Variants in ZNF438 observed in about 807,000 individuals in gnomAD.
ZNF438 encodes zinc finger protein 438.
Under a neutral mutation model 38.0 loss-of-function variants are expected in ZNF438, and 25 were observed. That is an observed-to-expected ratio of 0.66 (90% CI 0.48 to 0.92). The LOEUF (loss-of-function observed/expected upper bound fraction) is 0.92. Among genes scored for constraint, ZNF438 ranks in the 40% least tolerant of loss-of-function variants. The probability of loss-of-function intolerance (pLI) is 0.00; values close to 1 mark genes in which losing one functional copy is unlikely to be tolerated. For missense variants in ZNF438, 1,007 were observed against 999.6 expected, an observed-to-expected ratio of 1.01 and a Z score of -0.10; for synonymous variants, 372 against 364.1, an observed-to-expected ratio of 1.02 and a Z score of -0.25.
chr10:30,947,621 A>T (rs2047584165), intron 1 of ZNF438, among the ~76,000 whole-genome samples: 1 of 152,080 alleles, frequency 6.6e-6, no homozygotes, highest in African/African-American at 2.4e-5. Context: ...CCCCTCTCCC[A>T]GCCTCACTGC....
At chr10:30,929,375 A>G (rs959361290) in intron 2 of ZNF438, among the ~76,000 whole-genome samples, 10 of 152,030 alleles carry the variant, frequency 6.6e-5, no homozygotes, top group African/African-American at 2.4e-4. Context: ...GTGAAGCTGC[A>G]GACCTTCGCA....
chr10:30,951,479 T>C (rs1340391788), intron 1 of ZNF438, among the ~76,000 whole-genome samples: 1 of 152,204 alleles, frequency 6.6e-6, no homozygotes, highest in Non-Finnish European at 1.5e-5. Context: ...GCAGACGACA[T>C]GATTGTATAT....
At chr10:30,963,246 G>A (rs1183703733) in intron 1 of ZNF438, among the ~76,000 whole-genome samples, 1 of 151,756 alleles carries the variant, frequency 6.6e-6, no homozygotes, top group Non-Finnish European at 1.5e-5. Flanking sequence ...ACAAAAATTA[G>A]CTGGGCATGG....
chr10:30,849,018 C>A (rs774562003), exon 5 of ZNF438: 5 of 1,614,086 alleles, frequency 3.1e-6, no homozygotes, highest in Non-Finnish European at 4.2e-6. Context: ...TGTCCTAGGC[C>A]CCCAAGCATC....
intron 1 of ZNF438, among the ~76,000 whole-genome samples, chr10:30,972,610 T>C (rs902245655): frequency 6.6e-6 from 1 of 152,174 alleles, no homozygotes; most frequent in Non-Finnish European, 1.5e-5. Flanking sequence ...ACATGCACCA[T>C]GGGCCAGACT....
chr10:30,882,341 T>C (rs917069319), intron 3 of ZNF438, among the ~76,000 whole-genome samples: 1 of 152,174 alleles, frequency 6.6e-6, no homozygotes, highest in South Asian at 2.1e-4. Flanking sequence ...TGCCTTAGGA[T>C]CCAGCTAATC....
chr10:30,883,778 C>T (rs2039585085), intron 3 of ZNF438, among the ~76,000 whole-genome samples: 1 of 152,112 alleles, frequency 6.6e-6, no homozygotes, highest in Admixed American at 6.6e-5. Flanking sequence ...TCCAGATACT[C>T]TGGAAGCTGA....
chr10:30,865,603 A>C (rs989996880), intron 4 of ZNF438, among the ~76,000 whole-genome samples: 6 of 152,238 alleles, frequency 3.9e-5, no homozygotes, highest in African/African-American at 1.4e-4. Flanking sequence ...ACAATTTCTA[A>C]ATTCCTTATG....
chr10:31,031,687 C>A (rs2057305375), intron 1 of ZNF438, 146 bp downstream of exon 1: 1 of 152,698 alleles, frequency 6.5e-6, no homozygotes, highest in East Asian at 1.9e-4. Context: ...GGGCGCGCTG[C>A]CACTCTGAGC....
chr10:30,939,683 C>A (rs546825933), intron 2 of ZNF438, among the ~76,000 whole-genome samples: 1 of 152,352 alleles, frequency 6.6e-6, no homozygotes, highest in African/African-American at 2.4e-5. Flanking sequence ...CAAGAAGCTT[C>A]TGATGGGAGA....
intron 1 of ZNF438, among the ~76,000 whole-genome samples, chr10:31,028,205 T>TAA (rs1237031899): frequency 6.6e-6 from 1 of 151,822 alleles, no homozygotes; most frequent in African/African-American, 2.4e-5. Flanking sequence ...TTCCAATAGG[T>TAA]GGAACTTTGG....
intron 3 of ZNF438, among the ~76,000 whole-genome samples, chr10:30,891,933 A>G (rs1435878774): frequency 2.6e-5 from 4 of 152,246 alleles, no homozygotes; most frequent in African/African-American, 9.6e-5. Flanking sequence ...GAAGTTACCA[A>G]CACAACAAAG....
intron 1 of ZNF438, among the ~76,000 whole-genome samples, chr10:30,991,621 TA>T (rs1383191727): frequency 6.6e-6 from 1 of 152,158 alleles, no homozygotes; most frequent in Non-Finnish European, 1.5e-5. Flanking sequence ...CAGCAGCCCT[TA>T]AGGACAAAAA....
At chr10:30,890,083 CAAAAAAAAA>C (rs71863439) in intron 3 of ZNF438, among the ~76,000 whole-genome samples, 5 of 93,390 alleles carry the variant, frequency 5.4e-5, no homozygotes, top group South Asian at 3.8e-4. Flanking sequence ...TTGGCATTTC[CAAAAAAAAA>C]AAAAAAAAAA....
chr10:30,849,232 A>G (rs777174498), exon 5 of ZNF438: 2 of 1,614,154 alleles, frequency 1.2e-6, no homozygotes, highest in Non-Finnish European at 1.7e-6. Flanking sequence ...CCAAAATTTC[A>G]TCTGGTACCT....
intron 1 of ZNF438, among the ~76,000 whole-genome samples, chr10:30,946,121 T>G (rs2047379568): frequency 6.6e-6 from 1 of 151,792 alleles, no homozygotes; most frequent in Admixed American, 6.6e-5. Flanking sequence ...GGTATCTCAT[T>G]GTGGTTTTGA....
At chr10:30,968,164 C>T (rs1332557985) in intron 1 of ZNF438, among the ~76,000 whole-genome samples, 1 of 152,142 alleles carries the variant, frequency 6.6e-6, no homozygotes, top group Non-Finnish European at 1.5e-5. Context: ...ATTCCAAAGA[C>T]ACTTGAAGGA....
chr10:30,888,537 A>G (rs971128365), intron 3 of ZNF438, among the ~76,000 whole-genome samples: 1 of 151,610 alleles, frequency 6.6e-6, no homozygotes, highest in Non-Finnish European at 1.5e-5. Context: ...TCCACCCTCT[A>G]CCCTCAAGTA....
intron 1 of ZNF438, among the ~76,000 whole-genome samples, chr10:30,967,255 A>C (rs1453856079): frequency 1.3e-5 from 2 of 152,222 alleles, no homozygotes; most frequent in African/African-American, 4.8e-5. Context: ...TGTGGGGAAA[A>C]GAAGAGCCAG....
Sources: gnomAD v4.1 joint callset for allele counts (sites outside exome capture counted in the v4.1 genomes callset) on GRCh38, gnomAD v4.1.1 for gene constraint, MANE v1.5 for transcripts, NCBI Gene and HGNC (gene_info 2026-07-23, HGNC 2026-07-21) for gene names.